Variants in SHANK1 observed in about 807,000 individuals in gnomAD.
The protein encoded by SHANK1 is SH3 and multiple ankyrin repeat domains protein 1.
In SHANK1, 35 loss-of-function variants were observed where a neutral mutation model predicts 165.6. The ratio of observed to expected loss-of-function variants is 0.21; its 90% CI spans 0.16 to 0.28. SHANK1 has a LOEUF of 0.28. SHANK1 is among the 10% of genes least tolerant of loss of function. SHANK1 has a pLI of 1.00. For synonymous variants in SHANK1, 1,428 were observed against 1,384.8 expected, an observed-to-expected ratio of 1.03 and a Z score of -0.69; for missense variants, 2,681 against 3,036.4, an observed-to-expected ratio of 0.88 and a Z score of 2.75.
rs1468082560 is a variant in SHANK1 at position 50,662,331 on chromosome 19, A to G, written c.6120T>C (p.Thr2040=). 1.9e-6 allele frequency: 3 copies of G among 1,605,666 alleles called. No individual in the cohort carries two copies. The South Asian group carries it at 3.3e-5, about 18-fold the overall frequency. ...GGTCAGCCGAGCCTCCTGCCCCTCC[A>G]GTTGGGGAGCCACGGATGTCAAAGA... ...PGLFDIRGSP[T]GGAGGSADPF... Residue 2040 remains threonine (T), a synonymous_variant, in exon 24 of 24, where the codon ACT becomes ACC. Transcript: ENST00000293441. The surrounding 1 kb of genome is among the most constrained non-coding windows in gnomAD (Gnocchi z 7.7).
rs1388512096 is a variant in SHANK1 at position 50,713,780 on chromosome 19, G to T, written c.792+18C>A. On this transcript the variant is annotated intron_variant, in intron 6 of 23. Transcript: ENST00000293441. The surrounding 1 kb of genome is among the most constrained non-coding windows in gnomAD (Gnocchi z 6.2). The stretch of plus-strand genomic sequence containing the variant: ...GAGAGGGCCCCATGGCGGGGATGGG[G>T]GGTCCCCGAAGCCTCACCGTGAGTG... 1.9e-6 allele frequency: 3 copies of T among 1,610,988 alleles called. No individual in the cohort carries two copies. The African/African-American group carries it at 4.0e-5, about 21-fold the overall frequency.
rs747212165 is a variant in SHANK1, at chr19:50,688,199, T to C, written c.2173-141A>G. 4.4e-4 allele frequency: 454 copies of C among 1,038,612 alleles called. No individual in the cohort carries two copies. The highest frequency in any genetic ancestry group is 6.0e-4 in the Non-Finnish European group (430 of 716,654). 64.3% of individuals were successfully genotyped at this position (1,038,612 alleles called of 1,614,324 possible). On this transcript the variant is annotated intron_variant, in intron 17 of 23. Transcript: ENST00000293441. This position sits in a 1 kb window ranked among gnomAD's most constrained non-coding sequence, Gnocchi z 6.7. ...ATGTTCCTCTCCCTCCGACCCTTCA[T>C]ACCACCGCCTCCCTGGGCAAGCCCC...
rs1262111724 is a variant in SHANK1 at position 50,717,410 on chromosome 19, G to C, written c.-43-448C>G. On this transcript the variant is annotated intron_variant, in intron 1 of 23. Coordinates refer to ENST00000293441, the MANE Select transcript of SHANK1 (RefSeq NM_016148.5). This position sits in a 1 kb window ranked among gnomAD's most constrained non-coding sequence, Gnocchi z 5.5. Reference sequence around the variant, plus strand: ...CCTGGCCCCTCATCCCAGGGCCGGGGGGTGGGGTTGGGGAGAAGCTGAGGC... The same window carrying C: ...CCTGGCCCCTCATCCCAGGGCCGGGCGGTGGGGTTGGGGAGAAGCTGAGGC... Among the ~76,000 whole-genome samples, 2 of 152,224 alleles carry C rather than the reference G, an allele frequency of 1.3e-5. No individual in the cohort carries two copies. Among genetic ancestry groups the C allele is most frequent in the Non-Finnish European group, 2.9e-5 (2 of 68,022 alleles).
chr19:50,686,681 G>C lies in SHANK1; in HGVS notation c.2458+63C>G. 1 of 1,488,142 alleles carries C rather than the reference G, an allele frequency of 6.7e-7. No individual in the cohort carries two copies. The highest frequency in any genetic ancestry group is 9.3e-7 in the Non-Finnish European group (1 of 1,070,454). The allele number at this position is 1,488,142 out of a possible 1,614,324, so 92.2% of individuals were successfully genotyped here. On this transcript the variant is annotated intron_variant, in intron 20 of 23. Coordinates refer to ENST00000293441, the MANE Select transcript of SHANK1 (RefSeq NM_016148.5). This position sits in a 1 kb window ranked among gnomAD's most constrained non-coding sequence, Gnocchi z 5.7. ...GCGCCGTGGGGTTCATGGTGGGACA[G>C]GGATGCAGCGGGTGCCGGGGCTGGG...
rs900402440 is a variant in SHANK1, at chr19:50,705,332, ACT to A, written c.1078-820_1078-819del. ...ACTCCAGCCTGGGTGACAGAGTGAG[ACT>A]CTGTCTCAAAAAAAAATAATAATTT... On this transcript the variant is annotated intron_variant, in intron 8 of 23. Transcript: ENST00000293441. 3.2e-4 allele frequency among the ~76,000 whole-genome samples: 49 copies of A among 151,780 alleles called. 1 individual carries two copies. Among genetic ancestry groups the A allele is most frequent in the African/African-American group, 1.2e-3 (48 of 41,112 alleles).
At chr19:50,715,832 C>T (rs1159199708) in intron 3 of SHANK1, 102 bp from the exon 4 acceptor site, 2 of 1,142,040 alleles carry the variant, frequency 1.8e-6, no homozygotes, top group African/African-American at 1.6e-5. Flanking sequence ...CTTCTAATTC[C>T]CCGGGGTAGC....
rs62112526 is a variant in SHANK1 at position 50,685,160 on chromosome 19, T to C, written c.2577+1077A>G. Among the ~76,000 whole-genome samples, 148 of 151,894 alleles carry C rather than the reference T, an allele frequency of 9.7e-4. 1 individual carries two copies. Among genetic ancestry groups the C allele is most frequent in the Non-Finnish European group, 1.7e-3 (114 of 67,920 alleles). On this transcript the variant is annotated intron_variant, in intron 21 of 23. Transcript: ENST00000293441. ...AGAGCGTGGCCTCTGGAGGAGACAG[T>C]TGGAGGGTAAGGGGTGGCACTGGCA...
At chr19:50,699,309 A>G (rs149565551) in intron 12 of SHANK1, among the ~76,000 whole-genome samples, 14 of 152,290 alleles carry the variant, frequency 9.2e-5, no homozygotes, top group African/African-American at 2.4e-4. Context: ...AATATAATCA[A>G]TGTTGTTCCT....
Position 50,662,714 on chromosome 19 carries a change from ACAGGGATTTAGGGGGCAAGGG to A in SHANK1, c.5769-53_5769-33del. ...TGTGACAAGGGGGCAGTGGGGGAGG[ACAGGGATTTAGGGGGCAAGGG>A]CAGGGGTGAGAAAGAGGCAGAGGTC... On this transcript the variant is annotated intron_variant, in intron 23 of 23. Transcript: ENST00000293441. This position sits in a 1 kb window ranked among gnomAD's most constrained non-coding sequence, Gnocchi z 7.7. The A allele has an allele frequency of 6.5e-7, 1 of 1,540,678 alleles. No homozygotes were observed. Among genetic ancestry groups the A allele is most frequent in the South Asian group, 1.2e-5 (1 of 83,840 alleles).
chr19:50,711,160 A>G (rs1284049385), intron 8 of SHANK1: 1 of 566,512 alleles, frequency 1.8e-6, no homozygotes, highest in Non-Finnish European at 3.2e-6. Context: ...GGCCTGATAC[A>G]GAGGAGCTCA....
rs914205475 is a variant in SHANK1, at chr19:50,717,248, G to A, written c.-43-286C>T. 1.3e-5 allele frequency among the ~76,000 whole-genome samples: 2 copies of A among 152,196 alleles called. No individual in the cohort carries two copies. Among genetic ancestry groups the A allele is most frequent in the African/African-American group, 4.8e-5 (2 of 41,444 alleles). On this transcript the variant is annotated intron_variant, in intron 1 of 23. Coordinates refer to ENST00000293441, the MANE Select transcript of SHANK1 (RefSeq NM_016148.5). The surrounding 1 kb of genome is among the most constrained non-coding windows in gnomAD (Gnocchi z 5.5). ...CGCCCCACTTTGCTGGTGACCCAGC[G>A]TGGCCGTGTCCCAGAAACCGCAGAA...
chr19:50,680,718 C>T (rs369341529), intron 21 of SHANK1, among the ~76,000 whole-genome samples: 76 of 151,354 alleles, frequency 5.0e-4, no homozygotes, highest in African/African-American at 1.7e-3. Flanking sequence ...TGCAGTGGCG[C>T]GATCTTGGCT....
At position 50,702,734 on chromosome 19, in the gene SHANK1, G is replaced by A; in HGVS notation, c.1554-74C>T. The stretch of plus-strand genomic sequence containing the variant: ...ACCTCTGGGAGGACAGGGGTCCTTG[G>A]GTGGGGGAAGAGGACGGTGCATCAG... On this transcript the variant is annotated intron_variant, in intron 11 of 23. Coordinates refer to ENST00000293441, the MANE Select transcript of SHANK1 (RefSeq NM_016148.5). This position sits in a 1 kb window ranked among gnomAD's most constrained non-coding sequence, Gnocchi z 5.3. The A allele has an allele frequency of 1.0e-6, 1 of 979,190 alleles. No individual in the cohort carries two copies. The highest frequency in any genetic ancestry group is 2.7e-5 in the Admixed American group (1 of 37,342). 60.7% of individuals were successfully genotyped at this position (979,190 alleles called of 1,614,324 possible).
intron 15 of SHANK1, among the ~76,000 whole-genome samples, chr19:50,695,188 A>AG (rs1187958893): frequency 8.4e-6 from 1 of 119,130 alleles, no homozygotes; most frequent in East Asian, 3.0e-4. Flanking sequence ...GGGAGGGGGG[A>AG]GGGGGAGGGG....
At chr19:50,674,649 A>T (rs988645741) in intron 21 of SHANK1, among the ~76,000 whole-genome samples, 3 of 151,976 alleles carry the variant, frequency 2.0e-5, no homozygotes, top group Non-Finnish European at 4.4e-5. Context: ...TCAACTGTAC[A>T]TTTCAGGCCA....
intron 4 of SHANK1, 23 bp from the exon 5 acceptor site, chr19:50,714,313 G>A: frequency 1.2e-6 from 2 of 1,607,026 alleles, no homozygotes; most frequent in South Asian, 1.1e-5. Flanking sequence ...CAAAGAGAGA[G>A]AAGACAGGAC....
chr19:50,706,784 A>T (rs1302640143), intron 8 of SHANK1, among the ~76,000 whole-genome samples: 14 of 151,190 alleles, frequency 9.3e-5, no homozygotes, highest in African/African-American at 2.7e-4. Context: ...ATTTATTTTT[A>T]AAATTTTTTT....
Position 50,689,241 on chromosome 19 carries a change from T to C in SHANK1, c.2003A>G (p.Lys668Arg). ...IIKEKTVLLQ[K>R]KDSEGFGFVL... ...GAACCCAAACCCCTCACTGTCCTTC[T>C]TCTGCAGCAAGACTGTCTTCTCCTT... Residue 668 changes from lysine to arginine, a missense_variant, in exon 16 of 24, where the codon AAG becomes AGG. By Grantham distance (26) the Lys-to-Arg change is conservative. Coordinates refer to ENST00000293441, the MANE Select transcript of SHANK1 (RefSeq NM_016148.5). 6.2e-7 allele frequency: 1 copy of C among 1,612,464 alleles called. No individual in the cohort carries two copies. The highest frequency in any genetic ancestry group is 8.5e-7 in the Non-Finnish European group (1 of 1,179,162).
rs773698573 is a variant in SHANK1, at chr19:50,667,929, C to T, written c.4031G>A (p.Gly1344Asp). 3 of 1,367,418 alleles carry T rather than the reference C, an allele frequency of 2.2e-6. No individual in the cohort carries two copies. The highest frequency in any genetic ancestry group is 3.1e-5 in the East Asian group (1 of 32,670). 84.7% of individuals were successfully genotyped at this position (1,367,418 alleles called of 1,614,324 possible). The change falls in exon 23 of 24, where the codon GGC (glycine) becomes GAC (aspartate). Residue 1344 changes from glycine to aspartate, a missense_variant. Physicochemically the swap from Gly to Asp is moderately conservative, Grantham distance 94 (BLOSUM62 -1). This residue lies in a region of SHANK1 where 1,713 missense variants were observed against 1,630.2 expected (regional missense o/e 1.05). Transcript: ENST00000293441. This position sits in a 1 kb window ranked among gnomAD's most constrained non-coding sequence, Gnocchi z 5.7. The stretch of plus-strand genomic sequence containing the variant: ...CGGGGAGGCGGGATCCAGGGCCTTG[C>T]CGGTCAGCGGGTGCACCAGGGGTCG... ...PPRPLVHPLT[G>D]KALDPASPLG...
Sources: gnomAD v4.1 joint callset for allele counts (sites outside exome capture counted in the v4.1 genomes callset) on GRCh38, gnomAD v4.1.1 for gene constraint, gnomAD v4.1.1 regional missense constraint, Gnocchi (gnomAD v3.1) non-coding constraint, MANE v1.5 for transcripts, NCBI Gene and HGNC (gene_info 2026-07-23, HGNC 2026-07-21) for gene names.